The following RBFOX1 variants were observed in gnomAD, a reference collection of about 807,000 sequenced individuals.
RBFOX1 encodes RNA binding protein fox-1 homolog 1.
In RBFOX1, 8 loss-of-function variants were observed where a neutral mutation model predicts 57.7. The observed-to-expected ratio is 0.14, with a 90% CI of 0.08 to 0.25. The LOEUF (loss-of-function observed/expected upper bound fraction) is 0.25, where lower values mean the gene tolerates loss of function less well. Among genes scored for constraint, RBFOX1 ranks in the 10% least tolerant of loss-of-function variants. The pLI is 1.00. For synonymous variants in RBFOX1, 326 were observed against 222.4 expected, an observed-to-expected ratio of 1.47 and a Z score of -4.15; for missense variants, 611 against 548.5, an observed-to-expected ratio of 1.11 and a Z score of -1.14.
chr16:5,453,120 C>G (rs949928696), intron 1 of RBFOX1, among the ~76,000 whole-genome samples: 1 of 152,186 alleles, frequency 6.6e-6, no homozygotes, highest in Non-Finnish European at 1.5e-5. Context: ...GTCAGTCAGT[C>G]TATCCCTACC....
chr16:7,387,036 G>T (rs770298578), intron 4 of RBFOX1, among the ~76,000 whole-genome samples: 2 of 152,164 alleles, frequency 1.3e-5, no homozygotes, highest in Non-Finnish European at 2.9e-5. Context: ...CTCTTGAGAA[G>T]TGTCTGTTCA....
At chr16:7,607,254 GATA>G (rs769456660) in intron 9 of RBFOX1, 28 bp from the exon 10 acceptor site, 29 of 1,589,634 alleles carry the variant, frequency 1.8e-5, no homozygotes, top group Non-Finnish European at 2.5e-5. Context: ...AATCAAATGT[GATA>G]ATAATGTTTT....
At chr16:6,907,272 CAGTG>C (rs992574424) in intron 3 of RBFOX1, among the ~76,000 whole-genome samples, 1 of 152,142 alleles carries the variant, frequency 6.6e-6, no homozygotes, top group Non-Finnish European at 1.5e-5. Flanking sequence ...GTAGTGCTGA[CAGTG>C]AGAGTCATCT....
At chr16:5,242,065 C>G (rs2049698) in intron 1 of RBFOX1, among the ~76,000 whole-genome samples, 63,565 of 151,870 alleles carry the variant, frequency 0.42, 14,070 homozygotes, top group African/African-American at 0.56. Flanking sequence ...AGTGAGCTGT[C>G]ATCATGCCAC....
At chr16:5,895,017 C>A (rs35797820) in intron 4 of RBFOX1, among the ~76,000 whole-genome samples, 10 of 151,570 alleles carry the variant, frequency 6.6e-5, no homozygotes, top group African/African-American at 2.4e-4. Flanking sequence ...AGTGAGACTC[C>A]GTCTAAAAAA....
chr16:5,824,631 CT>C (rs1170047397), intron 3 of RBFOX1, among the ~76,000 whole-genome samples: 1 of 152,210 alleles, frequency 6.6e-6, no homozygotes, highest in Non-Finnish European at 1.5e-5. Flanking sequence ...ATGAAAATCC[CT>C]GCAAATTGAT....
intron 3 of RBFOX1, among the ~76,000 whole-genome samples, chr16:7,031,994 T>C (rs112260367): frequency 4.0e-4 from 61 of 152,332 alleles, no homozygotes; most frequent in African/African-American, 1.3e-3. Flanking sequence ...GAAGTTAGTA[T>C]GGCCTCCTGG....
intron 4 of RBFOX1, among the ~76,000 whole-genome samples, chr16:7,109,110 C>T (rs537474326): frequency 6.6e-6 from 1 of 152,088 alleles, no homozygotes; most frequent in Non-Finnish European, 1.5e-5. Context: ...AAAGAGCCAC[C>T]TCTTTGAATT....
chr16:5,374,993 C>T (rs1463864529), intron 1 of RBFOX1, among the ~76,000 whole-genome samples: 1 of 143,036 alleles, frequency 7.0e-6, no homozygotes, highest in African/African-American at 2.6e-5. Context: ...GGAAGAGAGA[C>T]TGGTCTGGAA....
intron 4 of RBFOX1, among the ~76,000 whole-genome samples, chr16:5,993,418 A>AT (rs1330369582): frequency 8.1e-6 from 1 of 122,784 alleles, no homozygotes; most frequent in Non-Finnish European, 1.8e-5. Flanking sequence ...AGAGAGAGAG[A>AT]GAAGGAGACA....
At chr16:7,111,008 T>C (rs1301843934) in intron 4 of RBFOX1, among the ~76,000 whole-genome samples, 1 of 152,196 alleles carries the variant, frequency 6.6e-6, no homozygotes, top group Non-Finnish European at 1.5e-5. Flanking sequence ...TTTGTTGTTT[T>C]TTTCTCCTAG....
intron 2 of RBFOX1, among the ~76,000 whole-genome samples, chr16:5,536,370 G>A (rs1422173008): frequency 6.6e-6 from 1 of 151,662 alleles, no homozygotes; most frequent in Non-Finnish European, 1.5e-5. Context: ...GAGTAGCTGG[G>A]ATTACAGGTG....
At position 6,943,795 on chromosome 16, in the gene RBFOX1, T is replaced by C. The variant is rs112040591; in HGVS notation, c.-15-108262T>C. Among the ~76,000 whole-genome samples the C allele has an allele frequency of 5.8e-3, 887 of 152,152 alleles. 7 individuals are homozygous for C. The highest frequency in any genetic ancestry group is 0.031 in the Middle Eastern group (9 of 294). Reference sequence around the variant, plus strand: ...AGCTGAACTTCAACCACTCATAGACTGTTAAGTGTTCAAAAACTGTGTTCA... The same window carrying C: ...AGCTGAACTTCAACCACTCATAGACCGTTAAGTGTTCAAAAACTGTGTTCA... On this transcript the variant is annotated intron_variant, in intron 3 of 15. Coordinates refer to ENST00000550418, the MANE Select transcript of RBFOX1 (RefSeq NM_018723.4).
chr16:6,504,955 C>G (rs1277737745), intron 2 of RBFOX1, among the ~76,000 whole-genome samples: 1 of 151,888 alleles, frequency 6.6e-6, no homozygotes, highest in Non-Finnish European at 1.5e-5. Context: ...TGCCTGTAAT[C>G]CCAGCTACTT....
At chr16:5,524,502 A>G (rs1489520013) in intron 2 of RBFOX1, among the ~76,000 whole-genome samples, 2 of 151,286 alleles carry the variant, frequency 1.3e-5, no homozygotes, top group African/African-American at 4.9e-5. Flanking sequence ...GTTTATACCC[A>G]GTAGTACCCA....
chr16:5,375,376 A>G (rs55903431), intron 1 of RBFOX1, among the ~76,000 whole-genome samples: 1 of 152,188 alleles, frequency 6.6e-6, no homozygotes, highest in East Asian at 1.9e-4. Context: ...GGCTGCAGCC[A>G]AGGGGCATGG....
At chr16:6,999,423 C>T (rs892871599) in intron 3 of RBFOX1, among the ~76,000 whole-genome samples, 1 of 150,686 alleles carries the variant, frequency 6.6e-6, no homozygotes, top group Non-Finnish European at 1.5e-5. Flanking sequence ...TAAACTCATT[C>T]TGATTTTTTT....
In RBFOX1 at chr16:6,019,916, G is replaced by T. The variant is rs1447168397; in HGVS notation, c.-203G>T. 4.6e-6 allele frequency: 7 copies of T among 1,534,864 alleles called. No homozygotes were observed. In the East Asian group the frequency reaches 1.7e-4, roughly 38 times the overall value. On this transcript the variant is annotated 5_prime_UTR_variant, in exon 1 of 16. Transcript: ENST00000550418. The surrounding 1 kb of genome is among the most constrained non-coding windows in gnomAD (Gnocchi z 4.2). ...TCCAGCTTATGGTGAGTGTGGCTGG[G>T]GGTGCAGAGAGCGCACGGGAATTCG...
At chr16:7,079,640 GGA>G (rs753453989) in intron 4 of RBFOX1, among the ~76,000 whole-genome samples, 30 of 152,128 alleles carry the variant, frequency 2.0e-4, no homozygotes, top group Non-Finnish European at 3.4e-4. Flanking sequence ...GCGTTATGAT[GGA>G]GAGACAGCCA....
Sources: allele counts gnomAD v4.1 joint callset (sites outside exome capture counted in the v4.1 genomes callset), GRCh38; gene constraint gnomAD v4.1.1; non-coding constraint Gnocchi (gnomAD v3.1); transcripts MANE v1.5; gene names NCBI Gene and HGNC (gene_info 2026-07-23, HGNC 2026-07-21).